MPP7: variants seen among roughly 807,000 people sequenced by gnomAD.
MPP7 encodes the protein MAGUK p55 scaffold protein 7.
A neutral mutation model predicts 76.5 loss-of-function variants in MPP7; 60 were observed. The observed-to-expected ratio is 0.78, with a 90% CI of 0.64 to 0.97. The LOEUF is 0.97. Ranked by LOEUF, MPP7 falls within the 50% of genes least tolerant of loss-of-function variation. MPP7 has a pLI of 0.00. For synonymous variants in MPP7, 237 were observed against 244.5 expected (o/e 0.97, Z 0.29); for missense variants, 641 against 694.0 (o/e 0.92, Z 0.86).
rs1473985384 is a variant in MPP7, at chr10:28,053,237, T to A, written c.*828A>T. The A allele has an allele frequency of 2.0e-5, 3 of 152,182 alleles. No homozygotes were observed. The highest frequency in any genetic ancestry group is 4.4e-5 in the Non-Finnish European group (3 of 68,030). 9.4% of individuals were successfully genotyped at this position (152,182 alleles called of 1,614,324 possible). ...TTTATTGGAAAAATCCAAAACCAGC[T>A]AAAATAACATTTTGGGTGACTTCAT... On this transcript the variant is annotated 3_prime_UTR_variant, in exon 17 of 17. Transcript: ENST00000683449.
intron 11 of MPP7, among the ~76,000 whole-genome samples, chr10:28,094,367 C>T (rs1213635358): frequency 6.6e-6 from 1 of 152,062 alleles, no homozygotes; most frequent in African/African-American, 2.4e-5. Context: ...GCAGAGGATC[C>T]GGACCAGTAC....
chr10:28,180,979 G>T (rs1837040374), intron 3 of MPP7, among the ~76,000 whole-genome samples: 1 of 152,198 alleles, frequency 6.6e-6, no homozygotes, highest in Non-Finnish European at 1.5e-5. Flanking sequence ...AGGATATACG[G>T]ATGGATGGAT....
intron 1 of MPP7, among the ~76,000 whole-genome samples, chr10:28,297,028 G>A (rs1841051247): frequency 6.6e-6 from 1 of 152,056 alleles, no homozygotes; most frequent in Non-Finnish European, 1.5e-5. Flanking sequence ...CTGGGTTTCT[G>A]AACACAGGAA....
At chr10:28,102,174 G>A (rs926328896) in intron 11 of MPP7, among the ~76,000 whole-genome samples, 2 of 151,988 alleles carry the variant, frequency 1.3e-5, no homozygotes, top group African/African-American at 2.4e-5. Context: ...AAGAGATAGG[G>A]TTTTGCTCTG....
intron 13 of MPP7, among the ~76,000 whole-genome samples, chr10:28,067,467 A>C (rs1419654383): frequency 6.6e-6 from 1 of 152,240 alleles, no homozygotes; most frequent in Non-Finnish European, 1.5e-5. Flanking sequence ...CTCCATGAGA[A>C]TCTTATCATC....
intron 1 of MPP7, among the ~76,000 whole-genome samples, chr10:28,287,425 TG>T (rs1840814315): frequency 6.6e-6 from 1 of 152,166 alleles, no homozygotes. Context: ...AGATGGTAAA[TG>T]TAATATAAAG....
At chr10:28,187,728 CT>C (rs1271326949) in intron 3 of MPP7, among the ~76,000 whole-genome samples, 1 of 152,148 alleles carries the variant, frequency 6.6e-6, no homozygotes, top group East Asian at 1.9e-4. Context: ...TAAATATCTC[CT>C]TTTGCCCGCA....
intron 12 of MPP7, among the ~76,000 whole-genome samples, chr10:28,071,648 G>A (rs1037630408): frequency 2.0e-5 from 3 of 151,936 alleles, no homozygotes; most frequent in African/African-American, 4.8e-5. Context: ...TATATGAAAG[G>A]AGAAAAAATA....
intron 1 of MPP7, among the ~76,000 whole-genome samples, chr10:28,262,781 C>T (rs907826490): frequency 6.6e-5 from 10 of 152,206 alleles, no homozygotes; most frequent in African/African-American, 2.2e-4. Context: ...TTTAGCCGGA[C>T]GCAGTGGCTC....
chr10:28,095,450 A>G (rs1853524066), intron 11 of MPP7, among the ~76,000 whole-genome samples: 1 of 152,146 alleles, frequency 6.6e-6, no homozygotes, highest in African/African-American at 2.4e-5. Flanking sequence ...CAGAGGTGAT[A>G]GCACACTTCA....
intron 1 of MPP7, among the ~76,000 whole-genome samples, chr10:28,270,527 A>AAG (rs1840288234): frequency 1.5e-5 from 1 of 66,190 alleles, no homozygotes; most frequent in African/African-American, 5.9e-5. Context: ...CTTTAAAAAA[A>AAG]AAAAAGGGGG....
intron 1 of MPP7, among the ~76,000 whole-genome samples, chr10:28,262,239 A>ATATG (rs1840001384): frequency 1.3e-5 from 1 of 76,788 alleles, no homozygotes; most frequent in Non-Finnish European, 2.1e-5. Flanking sequence ...ATATATATAT[A>ATATG]TATACATATA....
intron 1 of MPP7, among the ~76,000 whole-genome samples, chr10:28,252,183 G>A (rs1839636331): frequency 6.6e-6 from 1 of 152,068 alleles, no homozygotes; most frequent in Non-Finnish European, 1.5e-5. Context: ...TATGTCAGGG[G>A]TATAACAAAA....
chr10:28,100,573 G>A (rs931783717), intron 11 of MPP7, among the ~76,000 whole-genome samples: 1 of 152,094 alleles, frequency 6.6e-6, no homozygotes, highest in Non-Finnish European at 1.5e-5. Context: ...TTATACACAT[G>A]CTAATTTTGT....
chr10:28,161,914 T>C (rs1381268035), intron 3 of MPP7, among the ~76,000 whole-genome samples: 6 of 152,200 alleles, frequency 3.9e-5, no homozygotes, highest in Non-Finnish European at 7.3e-5. Flanking sequence ...TTCCAACAGA[T>C]AGGTAAAATC....
intron 3 of MPP7, among the ~76,000 whole-genome samples, chr10:28,166,383 T>C (rs1836457640): frequency 6.6e-6 from 1 of 151,150 alleles, no homozygotes; most frequent in African/African-American, 2.4e-5. Context: ...ATTACCCAGA[T>C]TATTTTTTAC....
At chr10:28,099,329 T>C (rs1252543785) in intron 11 of MPP7, among the ~76,000 whole-genome samples, 1 of 152,210 alleles carries the variant, frequency 6.6e-6, no homozygotes, top group Admixed American at 6.5e-5. Context: ...TTTAGATCTT[T>C]GATTATATTT....
intron 2 of MPP7, among the ~76,000 whole-genome samples, chr10:28,225,822 A>C (rs758836710): frequency 6.6e-6 from 1 of 152,162 alleles, no homozygotes; most frequent in Non-Finnish European, 1.5e-5. Flanking sequence ...GGACATACTT[A>C]TTTTTGTGAC....
intron 1 of MPP7, among the ~76,000 whole-genome samples, chr10:28,265,863 G>A (rs1316316297): frequency 6.6e-6 from 1 of 152,086 alleles, no homozygotes; most frequent in Non-Finnish European, 1.5e-5. Flanking sequence ...ATTTTTAAGA[G>A]CAAAAAAACT....
Sources: allele counts gnomAD v4.1 joint callset (sites outside exome capture counted in the v4.1 genomes callset), GRCh38; gene constraint gnomAD v4.1.1; transcripts MANE v1.5; gene names NCBI Gene and HGNC (gene_info 2026-07-23, HGNC 2026-07-21).